Variants in SCARF1 observed in about 807,000 individuals in gnomAD.
SCARF1 encodes the protein acetyl LDL receptor.
A neutral mutation model predicts 76.3 loss-of-function variants in SCARF1; 49 were observed. That is an observed-to-expected ratio of 0.64 (90% confidence interval 0.51 to 0.81). SCARF1 has a LOEUF of 0.81. Ranked by LOEUF, SCARF1 falls within the 40% of genes least tolerant of loss-of-function variation. The pLI is 0.00. For missense variants in SCARF1, 1,098 were observed against 1,143.9 expected, an observed-to-expected ratio of 0.96 and a Z score of 0.58; for synonymous variants, 495 against 474.6, an observed-to-expected ratio of 1.04 and a Z score of -0.56.
chr17:1,645,330 A>G lies in SCARF1; in HGVS notation c.102-91T>C. ...TCACTGTCTCTGGCTGCAGTGGGGG[A>G]GGCTGCCTTAGCCCCCTGGGGAGGC... On this transcript the variant is annotated intron_variant, in intron 1 of 10. Transcript: ENST00000263071. This position sits in a 1 kb window ranked among gnomAD's most constrained non-coding sequence, Gnocchi z 6.3. 5 of 1,503,776 alleles carry G rather than the reference A, an allele frequency of 3.3e-6. No individual in the cohort carries two copies. Among genetic ancestry groups the G allele is most frequent in the Non-Finnish European group, 4.5e-6 (5 of 1,103,966 alleles). The allele number at this position is 1,503,776 out of a possible 1,614,324, so 93.2% of individuals were successfully genotyped here.
chr17:1,643,501 G>A lies in SCARF1; in HGVS notation c.732C>T (p.Arg244=). The change falls in exon 4 of 11, where the codon CGC becomes CGT. Residue 244 remains arginine (R), a synonymous_variant. Coordinates refer to ENST00000263071, the MANE Select transcript of SCARF1 (RefSeq NM_003693.4). The stretch of plus-strand genomic sequence containing the variant: ...GGCAGGGCAGCTCGCAGCGCGCTCC[G>A]CGGAAGCCGGGCGGGCAGGTGCACT... ...SGECTCPPGF[R]GARCELPCPA... is the part of the protein sequence containing the mutation. 4 of 1,342,912 alleles carry A rather than the reference G, an allele frequency of 3.0e-6. No homozygotes were observed. The highest frequency in any genetic ancestry group is 3.8e-6 in the Non-Finnish European group (4 of 1,054,130). The allele number at this position is 1,342,912 out of a possible 1,614,324, so 83.2% of individuals were successfully genotyped here.
At chr17:1,639,537 T>A in intron 7 of SCARF1, 102 bp downstream of exon 7, 1 of 722,236 alleles carries the variant, frequency 1.4e-6, no homozygotes, top group Non-Finnish European at 2.3e-6. Context: ...AGAATATCTC[T>A]GAAGTGGGCC....
At position 1,640,297 on chromosome 17, in the gene SCARF1, C is replaced by G. The variant is rs944078286; in HGVS notation, c.1010+151G>C. The G allele has an allele frequency of 1.2e-6, 1 of 825,930 alleles. No individual in the cohort carries two copies. The highest frequency in any genetic ancestry group is 1.9e-6 in the Non-Finnish European group (1 of 534,146). The allele number at this position is 825,930 out of a possible 1,614,324, so 51.2% of individuals were successfully genotyped here. On this transcript the variant is annotated intron_variant, in intron 5 of 10. Coordinates refer to ENST00000263071, the MANE Select transcript of SCARF1 (RefSeq NM_003693.4). The surrounding 1 kb of genome is among the most constrained non-coding windows in gnomAD (Gnocchi z 4.7). ...GGATCCTGCCCAGGCCCCCCCAGAA[C>G]CCACTGCTCTCCCCCAGTCTTCAAC...
intron 10 of SCARF1, among the ~76,000 whole-genome samples, chr17:1,635,889 T>C (rs1022246890): frequency 6.6e-6 from 1 of 151,906 alleles, no homozygotes; most frequent in Admixed American, 6.6e-5. Flanking sequence ...CCCAAAGTGC[T>C]GGGATCACAG....
Position 1,643,882 on chromosome 17 carries a change from C to A in SCARF1, c.351G>T (p.Ala117=). The A allele has an allele frequency of 1.5e-6, 2 of 1,306,754 alleles. No homozygotes were observed. The allele number at this position is 1,306,754 out of a possible 1,614,324, so 80.9% of individuals were successfully genotyped here. A position where few individuals can be genotyped will look rare whatever the true frequency, so the allele number is the denominator to read the frequency against. ...PHGQCEPATG[A]CQCQADRWGA... is the part of the protein sequence containing the mutation. ...CCCAGCGGTCGGCCTGGCACTGGCA[C>A]GCGCCCGTGGCTGGCTCGCACTGGC... The change falls in exon 4 of 11, where the codon GCG becomes GCT. Residue 117 remains alanine, a synonymous_variant. Transcript: ENST00000263071.
intron 4 of SCARF1, among the ~76,000 whole-genome samples, chr17:1,641,529 T>A (rs1910047527): frequency 6.6e-6 from 1 of 152,228 alleles, no homozygotes; most frequent in Non-Finnish European, 1.5e-5. Flanking sequence ...ACCACTGTTG[T>A]CACCAATATA....
In SCARF1 at chr17:1,636,769, A is replaced by T. The variant is rs1909597840; in HGVS notation, c.1573T>A (p.Ser525Thr). 1.9e-6 allele frequency: 3 copies of T among 1,613,954 alleles called. No homozygotes were observed. The highest frequency in any genetic ancestry group is 2.5e-6 in the Non-Finnish European group (3 of 1,180,018). The change falls in exon 10 of 11, where the codon TCC becomes ACC. Residue 525 changes from serine to threonine, a missense_variant. Transcript: ENST00000263071. ...AGWATDDSFS[S>T]DPESGEADEV... ...TCTGCCTCTCCAGACTCAGGATCGG[A>T]TGAGAAGGAGTCATCAGTGGCCCAG...
chr17:1,639,153 C>T (rs1331287357), intron 7 of SCARF1, among the ~76,000 whole-genome samples: 2 of 152,208 alleles, frequency 1.3e-5, no homozygotes, highest in South Asian at 2.1e-4. Context: ...TTCGCAGGGG[C>T]GGGGGCTCTG....
In SCARF1 at chr17:1,644,215, T is replaced by G; in HGVS notation, c.266-248A>C. ...TCACATTCCAGAACACACTCAGAGA[T>G]CCTGAGTGGGCAGGGGACTTGCCCA... is the stretch of plus-strand genomic sequence containing the variant. On this transcript the variant is annotated intron_variant, in intron 3 of 10. Coordinates refer to ENST00000263071, the MANE Select transcript of SCARF1 (RefSeq NM_003693.4). This position sits in a 1 kb window ranked among gnomAD's most constrained non-coding sequence, Gnocchi z 4.8. 2.6e-6 allele frequency: 1 copy of G among 388,812 alleles called. No homozygotes were observed. The highest frequency in any genetic ancestry group is 4.5e-6 in the Non-Finnish European group (1 of 220,254). The allele number at this position is 388,812 out of a possible 1,614,324, so 24.1% of individuals were successfully genotyped here.
At chr17:1,637,370 A>ATCTC (rs4026394) in intron 8 of SCARF1, among the ~76,000 whole-genome samples, 13,862 of 123,276 alleles carry the variant, frequency 0.11, 1,713 homozygotes, top group Middle Eastern at 0.18. Flanking sequence ...CTATCTATCT[A>ATCTC]TATCTATCCA....
chr17:1,637,210 C>T (rs1275308160), intron 8 of SCARF1, 148 bp from the exon 9 acceptor site: 1 of 873,182 alleles, frequency 1.1e-6, no homozygotes, highest in Non-Finnish European at 1.7e-6. Context: ...AATGATTGAG[C>T]CCACAATTCA....
chr17:1,642,777 C>T (rs1013184398), intron 4 of SCARF1, among the ~76,000 whole-genome samples: 7 of 152,204 alleles, frequency 4.6e-5, no homozygotes, highest in African/African-American at 1.2e-4. Context: ...GTGGTGCGAC[C>T]TCGGCTCACT....
intron 7 of SCARF1, 74 bp from the exon 8 acceptor site, chr17:1,639,000 T>G: frequency 1.4e-6 from 2 of 1,434,340 alleles, no homozygotes; most frequent in Non-Finnish European, 1.9e-6. Flanking sequence ...CTGAGTTGCC[T>G]GCTACCCAGA....
At position 1,640,379 on chromosome 17, in the gene SCARF1, G is replaced by T; in HGVS notation, c.1010+69C>A. On this transcript the variant is annotated intron_variant, in intron 5 of 10. Coordinates refer to ENST00000263071, the MANE Select transcript of SCARF1 (RefSeq NM_003693.4). This position sits in a 1 kb window ranked among gnomAD's most constrained non-coding sequence, Gnocchi z 4.7. ...GTGTGTCGGGGAGGGTGGTGCTCTC[G>T]GAGAGAGCCGCTGAGCTGAGGGTCC... 8.0e-6 allele frequency: 11 copies of T among 1,381,152 alleles called. No individual in the cohort carries two copies. The highest frequency in any genetic ancestry group is 1.1e-5 in the Non-Finnish European group (11 of 1,005,080). The allele number at this position is 1,381,152 out of a possible 1,614,324, so 85.6% of individuals were successfully genotyped here.
Position 1,636,877 on chromosome 17 carries a change from C to T in SCARF1, c.1487-22G>A, listed in dbSNP as rs144554840. 3.2e-3 allele frequency: 5,231 copies of T among 1,613,642 alleles called. 8 individuals carry two copies. Among genetic ancestry groups the T allele is most frequent in the Non-Finnish European group, 3.7e-3 (4,351 of 1,179,660 alleles). On this transcript the variant is annotated intron_variant, in intron 9 of 10. Transcript: ENST00000263071. ...GAGACTGTAGAGACTCCAGATCAGG[C>T]GCCTGCAGGACCTGATGCAAAGCCC...
rs1024333014 is a variant in SCARF1 at position 1,644,078 on chromosome 17, G to C, written c.266-111C>G. On this transcript the variant is annotated intron_variant, in intron 3 of 10. Transcript: ENST00000263071. This position sits in a 1 kb window ranked among gnomAD's most constrained non-coding sequence, Gnocchi z 4.8. ...GCGCTGGGCCCATCCTCCAAGAGCC[G>C]GGGACAGACCCTCAGAACATCCGGC... 3.9e-5 allele frequency: 34 copies of C among 864,304 alleles called. No individual in the cohort carries two copies. Among genetic ancestry groups the C allele is most frequent in the Non-Finnish European group, 4.9e-5 (32 of 647,864 alleles). 53.5% of individuals were successfully genotyped at this position (864,304 alleles called of 1,614,324 possible).
chr17:1,643,607 G>A lies in SCARF1; in HGVS notation c.626C>T (p.Ala209Val). 1.4e-6 allele frequency: 2 copies of A among 1,473,090 alleles called. No homozygotes were observed. Among genetic ancestry groups the A allele is most frequent in the Middle Eastern group, 2.4e-4 (1 of 4,192 alleles). The allele number at this position is 1,473,090 out of a possible 1,614,324, so 91.3% of individuals were successfully genotyped here. ...GGGACCCCACCAGCCCGGCCGGCAG[G>A]CGCAGCGGCCGGAGTCCTGCTCGCA... ...SPCEQDSGRCACRPGWWGPEC... is the reference protein window; with the variant it reads ...SPCEQDSGRCVCRPGWWGPEC... Residue 209 changes from alanine (A) to valine (V), a missense_variant, in exon 4 of 11, where the codon GCC (alanine) becomes GTC (valine). By Grantham distance (64) the Ala-to-Val change is moderately conservative. Coordinates refer to ENST00000263071, the MANE Select transcript of SCARF1 (RefSeq NM_003693.4).
chr17:1,635,491 C>T lies in SCARF1; in HGVS notation c.1760G>A (p.Arg587Gln), dbSNP rs1440016527. 7 of 1,614,000 alleles carry T rather than the reference C, an allele frequency of 4.3e-6. No individual in the cohort carries two copies. Among genetic ancestry groups the T allele is most frequent in the South Asian group, 1.1e-5 (1 of 91,090 alleles). The change falls in exon 11 of 11, where the codon CGG (arginine) becomes CAG (glutamine). Residue 587 changes from arginine to glutamine, a missense_variant. Arg to Gln is a conservative substitution (Grantham distance 43). Transcript: ENST00000263071. ...PRTSSLARAK[R>Q]PSVSFAEGTK... ...ACCTTCCGCGAAGGAGACCGATGGC[C>T]GCTTGGCCCGAGCTAGGCTGGAGGT...
Position 1,643,592 on chromosome 17 carries a change from C to CG in SCARF1, c.640_641insC (p.Trp214SerfsTer59), listed in dbSNP as rs1411495198. 3 of 1,474,556 alleles carry CG rather than the reference C, an allele frequency of 2.0e-6. No homozygotes were observed. Among genetic ancestry groups the CG allele is most frequent in the Non-Finnish European group, 2.7e-6 (3 of 1,120,648 alleles). 91.3% of individuals were successfully genotyped at this position (1,474,556 alleles called of 1,614,324 possible). On this transcript the variant is annotated frameshift_variant, in exon 4 of 11. Transcript: ENST00000263071. LOFTEE classifies it high-confidence loss of function. Reference sequence around the variant, plus strand: ...CTGCTGCTGGCATTCGGGACCCCACCAGCCCGGCCGGCAGGCGCAGCGGCC... The same window carrying CG: ...CTGCTGCTGGCATTCGGGACCCCACCGAGCCCGGCCGGCAGGCGCAGCGGCC...
Sources: gnomAD v4.1 joint callset for allele counts (sites outside exome capture counted in the v4.1 genomes callset) on GRCh38, gnomAD v4.1.1 for gene constraint, Gnocchi (gnomAD v3.1) non-coding constraint, MANE v1.5 for transcripts, NCBI Gene and HGNC (gene_info 2026-07-23, HGNC 2026-07-21) for gene names.